LRRC28: variants seen among roughly 807,000 people sequenced by gnomAD.
LRRC28 encodes the protein leucine-rich repeat-containing protein 28.
A neutral mutation model predicts 45.7 loss-of-function variants in LRRC28; 39 were observed. The observed-to-expected ratio is 0.85, with a 90% confidence interval of 0.66 to 1.12. The LOEUF (loss-of-function observed/expected upper bound fraction) is 1.12, where lower values mean the gene tolerates loss of function less well. Among genes scored for constraint, LRRC28 ranks in the 50% most tolerant of loss-of-function variants. The pLI, the probability that LRRC28 is intolerant of heterozygous loss-of-function variation, is 0.00. For synonymous variants in LRRC28, 206 were observed against 178.8 expected, an observed-to-expected ratio of 1.15 and a Z score of -1.22; for missense variants, 435 against 438.5, an observed-to-expected ratio of 0.99 and a Z score of 0.07.
intron 2 of LRRC28, chr15:99,259,773 C>G: frequency 1.6e-6 from 2 of 1,243,440 alleles, no homozygotes; most frequent in Non-Finnish European, 2.4e-6. Flanking sequence ...TTGTTTGAAA[C>G]AGCAATGCAG....
intron 5 of LRRC28, among the ~76,000 whole-genome samples, chr15:99,292,942 G>A (rs2152224126): frequency 6.6e-6 from 1 of 152,236 alleles, no homozygotes; most frequent in African/African-American, 2.4e-5. Context: ...GATCTCTTTG[G>A]AGTTTCTATT....
At chr15:99,288,125 C>G (rs1180467829) in intron 5 of LRRC28, among the ~76,000 whole-genome samples, 174 bp downstream of exon 5, 1 of 152,128 alleles carries the variant, frequency 6.6e-6, no homozygotes, top group Admixed American at 6.6e-5. Context: ...TTTTGTGATG[C>G]AAATGTAAGA....
At chr15:99,385,579 A>G (rs1341809885) in intron 9 of LRRC28, among the ~76,000 whole-genome samples, 1 of 152,252 alleles carries the variant, frequency 6.6e-6, no homozygotes, top group African/African-American at 2.4e-5. Context: ...GTACATTTGT[A>G]GGATAAATTC....
chr15:99,276,535 T>C, intron 2 of LRRC28, 41 bp from the exon 3 acceptor site: 1 of 1,498,118 alleles, frequency 6.7e-7, no homozygotes, highest in Non-Finnish European at 9.0e-7. Context: ...GTTTAGACAT[T>C]TTTCAAAAAT....
rs1597488200 is a variant in LRRC28 at position 99,386,404 on chromosome 15, T to C, written c.*302T>C. The C allele has an allele frequency of 6.9e-6, 2 of 291,194 alleles. No homozygotes were observed. The highest frequency in any genetic ancestry group is 1.3e-4 in the East Asian group (2 of 15,630). The allele number at this position is 291,194 out of a possible 1,614,324, so 18.0% of individuals were successfully genotyped here. A position where few individuals can be genotyped will look rare whatever the true frequency, so the allele number is the denominator to read the frequency against. The stretch of plus-strand genomic sequence containing the variant: ...TAATTTAAAGCAAGTTTCCGGTCCT[T>C]GGAGAACAGTGACTTGATCATCTAG... On this transcript the variant is annotated 3_prime_UTR_variant, in exon 10 of 10. Transcript: ENST00000301981.
At chr15:99,300,080 T>C (rs944900267) in intron 5 of LRRC28, among the ~76,000 whole-genome samples, 1 of 152,128 alleles carries the variant, frequency 6.6e-6, no homozygotes, top group African/African-American at 2.4e-5. Flanking sequence ...TTCTTCACTT[T>C]AGTATGAATT....
Position 99,259,098 on chromosome 15 carries a change from G to T in LRRC28, c.168+2973G>T, listed in dbSNP as rs1269422109. 8.1e-6 allele frequency: 10 copies of T among 1,230,610 alleles called. No homozygotes were observed. In the African/African-American group the frequency reaches 1.3e-4, roughly 16 times the overall value. 76.2% of individuals were successfully genotyped at this position (1,230,610 alleles called of 1,614,324 possible). On this transcript the variant is annotated intron_variant, in intron 2 of 9. Transcript: ENST00000301981. ...GAATTTGGTACCAACATTAAGCTTG[G>T]TGTAATTGAAGACCACTCGAATCGA... is the stretch of plus-strand genomic sequence containing the variant.
At chr15:99,254,990 T>G (rs2080972933) in intron 1 of LRRC28, among the ~76,000 whole-genome samples, 1 of 152,200 alleles carries the variant, frequency 6.6e-6, no homozygotes, top group Non-Finnish European at 1.5e-5. Context: ...CTTCTTTCAT[T>G]GAAATAATTT....
intron 5 of LRRC28, among the ~76,000 whole-genome samples, chr15:99,311,230 G>T (rs1003768330): frequency 5.9e-5 from 9 of 152,154 alleles, no homozygotes; most frequent in Admixed American, 2.0e-4. Flanking sequence ...TGGCACGTGA[G>T]GTCAGGTGTA....
chr15:99,365,837 C>T (rs572958292), intron 9 of LRRC28, among the ~76,000 whole-genome samples: 1 of 152,284 alleles, frequency 6.6e-6, no homozygotes, highest in Admixed American at 6.5e-5. Context: ...TTTGCATAAA[C>T]AGTAAATACC....
At chr15:99,351,354 C>A (rs1431074506) in intron 6 of LRRC28, among the ~76,000 whole-genome samples, 1 of 152,198 alleles carries the variant, frequency 6.6e-6, no homozygotes, top group Non-Finnish European at 1.5e-5. Flanking sequence ...GGATCCTCTT[C>A]CATTCTTTGC....
chr15:99,338,840 G>C (rs1956412011), intron 6 of LRRC28, among the ~76,000 whole-genome samples: 1 of 152,154 alleles, frequency 6.6e-6, no homozygotes, highest in Admixed American at 6.6e-5. Context: ...TTGTAATACT[G>C]TTGAAACCAT....
intron 6 of LRRC28, among the ~76,000 whole-genome samples, chr15:99,339,466 C>T (rs1433315516): frequency 6.6e-6 from 1 of 152,202 alleles, no homozygotes; most frequent in African/African-American, 2.4e-5. Context: ...AACCGTGGCT[C>T]ACGCCTGTAA....
intron 5 of LRRC28, among the ~76,000 whole-genome samples, chr15:99,325,669 T>C (rs1036795394): frequency 6.6e-5 from 10 of 152,216 alleles, no homozygotes; most frequent in African/African-American, 2.4e-4. Context: ...ATTTTAGATT[T>C]TGTGAAATGC....
chr15:99,366,223 G>A (rs1386467311), intron 9 of LRRC28, among the ~76,000 whole-genome samples: 1 of 152,198 alleles, frequency 6.6e-6, no homozygotes. Flanking sequence ...TTCTGAGGCT[G>A]TGAGGGAGGG....
chr15:99,340,156 T>C (rs1427090706), intron 6 of LRRC28, among the ~76,000 whole-genome samples: 3 of 152,252 alleles, frequency 2.0e-5, no homozygotes, highest in Non-Finnish European at 4.4e-5. Context: ...GCTGGCCCTT[T>C]ATCACATAAC....
intron 5 of LRRC28, among the ~76,000 whole-genome samples, chr15:99,303,886 C>G (rs777766035): frequency 6.6e-6 from 1 of 151,720 alleles, no homozygotes; most frequent in Non-Finnish European, 1.5e-5. Context: ...AGCTAGTTTT[C>G]TCAACAAAGA....
In LRRC28 at chr15:99,334,056, G is replaced by C; in HGVS notation, c.519G>C (p.Pro173=). 1.2e-6 allele frequency: 2 copies of C among 1,614,064 alleles called. No individual in the cohort carries two copies. Among genetic ancestry groups the C allele is most frequent in the Non-Finnish European group, 1.7e-6 (2 of 1,179,976 alleles). ...ACCGAAATCGTCTATGGTATGTGCC[G>C]CGCCATCTCTGCCAGCTGCCCAGCC... The part of the protein sequence containing the change: ...TVDRNRLWYV[P]RHLCQLPSLN... The change falls in exon 6 of 10, where the codon CCG becomes CCC. Residue 173 remains proline (P), a synonymous_variant. Transcript: ENST00000301981.
intron 2 of LRRC28, chr15:99,259,846 A>G (rs1369374963): frequency 1.2e-6 from 1 of 825,996 alleles, no homozygotes. Flanking sequence ...AATAGAAAGA[A>G]TGCCTTGCCT....
Sources: gnomAD v4.1 joint callset for allele counts (sites outside exome capture counted in the v4.1 genomes callset) on GRCh38, gnomAD v4.1.1 for gene constraint, MANE v1.5 for transcripts, NCBI Gene and HGNC (gene_info 2026-07-23, HGNC 2026-07-21) for gene names.